The following HEY2 variants were observed in gnomAD, a reference collection of about 807,000 sequenced individuals.
HEY2 encodes hairy/enhancer-of-split related with YRPW motif protein 2.
A neutral mutation model predicts 18.1 loss-of-function variants in HEY2; 10 were observed. The ratio of observed to expected loss-of-function variants is 0.55; its 90% CI spans 0.34 to 0.94. The LOEUF (loss-of-function observed/expected upper bound fraction) is 0.94. Ranked by LOEUF, HEY2 falls within the 40% of genes least tolerant of loss-of-function variation. The pLI is 0.02. For missense variants in HEY2, 455 were observed against 455.9 expected (o/e 1.00, Z 0.02); for synonymous variants, 210 against 182.7 (o/e 1.15, Z -1.21).
chr6:125,759,809 C>G lies in HEY2; in HGVS notation c.*7C>G. The G allele has an allele frequency of 1.2e-6, 2 of 1,610,528 alleles. No homozygotes were observed. The highest frequency in any genetic ancestry group is 8.5e-7 in the Non-Finnish European group (1 of 1,177,560). On this transcript the variant is annotated 3_prime_UTR_variant, in exon 5 of 5. Coordinates refer to ENST00000368364, the MANE Select transcript of HEY2 (RefSeq NM_012259.3). Reference sequence around the variant, plus strand: ...AGAAGTTGGAGCTTTTTAAATTTTTCTTGAACTTCTTGCAATAGTAACTGA... The same window carrying G: ...AGAAGTTGGAGCTTTTTAAATTTTTGTTGAACTTCTTGCAATAGTAACTGA...
chr6:125,757,305 C>G (rs1773682567), intron 4 of HEY2, among the ~76,000 whole-genome samples: 1 of 152,206 alleles, frequency 6.6e-6, no homozygotes, highest in Non-Finnish European at 1.5e-5. Flanking sequence ...CCATGAATAC[C>G]TCTTCTTCAG....
rs1238355789 is a variant in HEY2, at chr6:125,760,324, T to C, written c.*522T>C. 1.3e-5 allele frequency: 2 copies of C among 154,858 alleles called. No homozygotes were observed. Among genetic ancestry groups the C allele is most frequent in the Admixed American group, 6.3e-5 (1 of 15,824 alleles). The allele number at this position is 154,858 out of a possible 1,614,324, so 9.6% of individuals were successfully genotyped here. A position where few individuals can be genotyped will look rare whatever the true frequency, so the allele number is the denominator to read the frequency against. On this transcript the variant is annotated 3_prime_UTR_variant, in exon 5 of 5. Coordinates refer to ENST00000368364, the MANE Select transcript of HEY2 (RefSeq NM_012259.3). ...TTGCAATAGGCTGCAGACATTTTAA[T>C]ACCATGCCAGAGAAGAGTATTCTGC... is the stretch of plus-strand genomic sequence containing the variant.
At position 125,759,935 on chromosome 6, in the gene HEY2, C is replaced by A; in HGVS notation, c.*133C>A. ...AGGAACAATAAAGCTATTTGAGACA[C>A]AAACCTCACGAGTGGAAATGTGGTA... On this transcript the variant is annotated 3_prime_UTR_variant, in exon 5 of 5. Transcript: ENST00000368364. 1 of 730,788 alleles carries A rather than the reference C, an allele frequency of 1.4e-6. No homozygotes were observed. Among genetic ancestry groups the A allele is most frequent in the Non-Finnish European group, 2.2e-6 (1 of 452,220 alleles). The allele number at this position is 730,788 out of a possible 1,614,324, so 45.3% of individuals were successfully genotyped here. A position where few individuals can be genotyped will look rare whatever the true frequency, so the allele number is the denominator to read the frequency against.
rs372109982 is a variant in HEY2 at position 125,753,497 on chromosome 6, C to T, written c.247-968C>T. ...AAGTAACTCTGGCACTCTCACCGTACGTGGTGCTGATAATTTTTACAAAAC... is the reference window on the plus strand; with the variant it reads ...AAGTAACTCTGGCACTCTCACCGTATGTGGTGCTGATAATTTTTACAAAAC... On this transcript the variant is annotated intron_variant, in intron 3 of 4. Coordinates refer to ENST00000368364, the MANE Select transcript of HEY2 (RefSeq NM_012259.3). Among the ~76,000 whole-genome samples the T allele has an allele frequency of 7.9e-5, 12 of 151,890 alleles. No homozygotes were observed. The East Asian group carries it at 1.2e-3, about 15-fold the overall frequency.
intron 4 of HEY2, 137 bp from the exon 5 acceptor site, chr6:125,758,980 G>T: frequency 1.6e-6 from 1 of 616,418 alleles, no homozygotes; most frequent in Non-Finnish European, 2.7e-6. Context: ...TTCCAGAAAG[G>T]ATTATCGTTC....
rs1773733622 is a variant in HEY2 at position 125,759,285 on chromosome 6, C to T, written c.497C>T (p.Ala166Val). 6.2e-7 allele frequency: 1 copy of T among 1,606,024 alleles called. No homozygotes were observed. ...HLSTCATQREAAAMTSSMAHH... is the reference protein window; with the variant it reads ...HLSTCATQREVAAMTSSMAHH... ...AGCACTTGCGCCACCCAGCGGGAGG[C>T]GGCGGCCATGACATCCTCCATGGCC... Residue 166 changes from alanine (A) to valine (V), a missense_variant, in exon 5 of 5, where the codon GCG becomes GTG. Transcript: ENST00000368364.
intron 1 of HEY2, chr6:125,750,125 C>T (rs956478843): frequency 2.3e-6 from 1 of 439,024 alleles, no homozygotes; most frequent in Non-Finnish European, 3.0e-6. Context: ...GAGGGAGGGT[C>T]CTGGCTGTCA....
chr6:125,753,480 C>G (rs1773591235), intron 3 of HEY2, among the ~76,000 whole-genome samples: 1 of 152,012 alleles, frequency 6.6e-6, no homozygotes, highest in Non-Finnish European at 1.5e-5. Context: ...TTAAGTAACT[C>G]TGGCACTCTC....
chr6:125,751,937 C>G, intron 2 of HEY2, 58 bp downstream of exon 2: 3 of 1,580,102 alleles, frequency 1.9e-6, no homozygotes, highest in South Asian at 2.2e-5. Flanking sequence ...GTAACAGTTA[C>G]ATTTTTTCAT....
At chr6:125,757,138 AGT>A (rs1773677323) in intron 4 of HEY2, among the ~76,000 whole-genome samples, 1 of 152,176 alleles carries the variant, frequency 6.6e-6, no homozygotes. Context: ...GTATGACAAT[AGT>A]ATCTAGAGAG....
At chr6:125,752,850 TC>T in intron 3 of HEY2, among the ~76,000 whole-genome samples, 1 of 152,222 alleles carries the variant, frequency 6.6e-6, no homozygotes, top group East Asian at 1.9e-4. Context: ...TGGCAGCATG[TC>T]CTTGTTGAAA....
intron 4 of HEY2, 135 bp from the exon 5 acceptor site, chr6:125,758,982 T>C (rs1773722132): frequency 1.6e-6 from 1 of 623,140 alleles, no homozygotes; most frequent in Non-Finnish European, 2.7e-6. Context: ...CCAGAAAGGA[T>C]TATCGTTCCA....
At position 125,759,663 on chromosome 6, in the gene HEY2, A is replaced by T. The variant is rs770378982; in HGVS notation, c.875A>T (p.Asn292Ile). 6 of 1,611,860 alleles carry T rather than the reference A, an allele frequency of 3.7e-6. No homozygotes were observed. In the Admixed American group the frequency reaches 8.3e-5, roughly 22 times the overall value. ...GGGGCATTCCCCATGCTTCCCCCAA[A>T]CGCAGCAGCAGCAGTGGCCGCGGCC... ...FAGAFPMLPPNAAAAVAAATA... is the reference protein window; with the variant it reads ...FAGAFPMLPPIAAAAVAAATA... The change falls in exon 5 of 5, where the codon AAC (asparagine) becomes ATC (isoleucine). Residue 292 changes from asparagine to isoleucine, a missense_variant. Coordinates refer to ENST00000368364, the MANE Select transcript of HEY2 (RefSeq NM_012259.3).
intron 4 of HEY2, 74 bp from the exon 5 acceptor site, chr6:125,759,043 A>T: frequency 8.9e-7 from 1 of 1,119,608 alleles, no homozygotes; most frequent in Non-Finnish European, 1.3e-6. Context: ...GTTATTGTTG[A>T]CTATACCATT....
Position 125,759,640 on chromosome 6 carries a change from G to T in HEY2, c.852G>T (p.Gly284=). The T allele has an allele frequency of 6.2e-7, 1 of 1,611,196 alleles. No homozygotes were observed. ...AAHSFPLSFA[G]AFPMLPPNAA... ...ACAGCTTCCCTCTGTCCTTCGCGGG[G>T]GCATTCCCCATGCTTCCCCCAAACG... The change falls in exon 5 of 5, where the codon GGG becomes GGT. Residue 284 remains glycine, a synonymous_variant. Coordinates refer to ENST00000368364, the MANE Select transcript of HEY2 (RefSeq NM_012259.3).
chr6:125,759,896 C>T lies in HEY2; in HGVS notation c.*94C>T. On this transcript the variant is annotated 3_prime_UTR_variant, in exon 5 of 5. Coordinates refer to ENST00000368364, the MANE Select transcript of HEY2 (RefSeq NM_012259.3). ...ACCCTGAAGGTAGCCATACAGATGC[C>T]GACAGATCCACAAAGGAACAATAAA... is the stretch of plus-strand genomic sequence containing the variant. The T allele has an allele frequency of 3.2e-6, 3 of 938,562 alleles. No homozygotes were observed. Among genetic ancestry groups the T allele is most frequent in the Non-Finnish European group, 4.8e-6 (3 of 623,008 alleles). 58.1% of individuals were successfully genotyped at this position (938,562 alleles called of 1,614,324 possible).
Position 125,749,675 on chromosome 6 carries a change from C to A in HEY2, c.-102C>A. On this transcript the variant is annotated 5_prime_UTR_variant, in exon 1 of 5. Transcript: ENST00000368364. ...AGACCGCGCCGCCGCCGGAGCCGCG[C>A]CTGCCCAGGCCCGGGGAGGGAGGAG... 1 of 727,810 alleles carries A rather than the reference C, an allele frequency of 1.4e-6. No individual in the cohort carries two copies. The highest frequency in any genetic ancestry group is 2.1e-6 in the Non-Finnish European group (1 of 484,712). The allele number at this position is 727,810 out of a possible 1,614,324, so 45.1% of individuals were successfully genotyped here.
At position 125,751,938 on chromosome 6, in the gene HEY2, AT is replaced by A. The variant is rs1177869151; in HGVS notation, c.163-63del. 3.2e-6 allele frequency: 5 copies of A among 1,584,226 alleles called. No individual in the cohort carries two copies. The South Asian group carries it at 3.3e-5, about 11-fold the overall frequency. On this transcript the variant is annotated intron_variant, in intron 2 of 4. Transcript: ENST00000368364. The stretch of plus-strand genomic sequence containing the variant: ...ACTTATACTATTGTGTAACAGTTAC[AT>A]TTTTTCATTTGAGTAATTTTATCAT...
intron 4 of HEY2, among the ~76,000 whole-genome samples, chr6:125,757,197 ACT>A (rs1773679648): frequency 6.6e-6 from 1 of 152,058 alleles, no homozygotes; most frequent in Non-Finnish European, 1.5e-5. Context: ...GGATTTCTGG[ACT>A]CTGTCTATTC....
Sources: gnomAD v4.1 joint callset for allele counts (sites outside exome capture counted in the v4.1 genomes callset) on GRCh38, gnomAD v4.1.1 for gene constraint, MANE v1.5 for transcripts, NCBI Gene and HGNC (gene_info 2026-07-23, HGNC 2026-07-21) for gene names.